PIK3CA: variants seen among roughly 807,000 people sequenced by gnomAD.
The protein encoded by PIK3CA is phosphatidylinositol 4,5-bisphosphate 3-kinase catalytic subunit alpha isoform.
In PIK3CA, 27 loss-of-function variants were observed where a neutral mutation model predicts 138.2. That is an observed-to-expected ratio of 0.20 (90% CI 0.14 to 0.27). The LOEUF (loss-of-function observed/expected upper bound fraction) is 0.27. Among genes scored for constraint, PIK3CA ranks in the 10% least tolerant of loss-of-function variants. The pLI is 1.00. For missense variants in PIK3CA, 544 were observed against 1,277.4 expected, an observed-to-expected ratio of 0.43 and a Z score of 8.75; for synonymous variants, 358 against 413.2, an observed-to-expected ratio of 0.87 and a Z score of 1.62.
chr3:179,214,722 G>A (rs1724797971), intron 9 of PIK3CA, among the ~76,000 whole-genome samples: 1 of 151,930 alleles, frequency 6.6e-6, no homozygotes, highest in African/African-American at 2.4e-5. Flanking sequence ...TATCTGTGAG[G>A]TATGATAAAG....
rs1364046504 is a variant in PIK3CA, at chr3:179,198,391, T to C, written c.-76-359T>C. On this transcript the variant is annotated intron_variant, in intron 1 of 20. Coordinates refer to ENST00000263967, the MANE Select transcript of PIK3CA (RefSeq NM_006218.4). Reference sequence around the variant, plus strand: ...TGTTTTTCCGTAAGATAGAAGAGAATGATAAAGGTGATATGCAATGGGAAT... The same window carrying C: ...TGTTTTTCCGTAAGATAGAAGAGAACGATAAAGGTGATATGCAATGGGAAT... 3.3e-5 allele frequency among the ~76,000 whole-genome samples: 5 copies of C among 152,330 alleles called. No homozygotes were observed. The East Asian group carries it at 9.6e-4, about 29-fold the overall frequency.
chr3:179,203,573 G>A lies in PIK3CA; in HGVS notation c.843G>A (p.Arg281=), dbSNP rs1183614122. 1 of 1,613,806 alleles carries A rather than the reference G, an allele frequency of 6.2e-7. No individual in the cohort carries two copies. Residue 281 remains arginine, a synonymous_variant, in exon 5 of 21, where the codon AGG becomes AGA. Coordinates refer to ENST00000263967, the MANE Select transcript of PIK3CA (RefSeq NM_006218.4). ...TAAGAAGCTGTATAATGCTTGGGAG[G>A]ATGCCCAATTTGATGTTGATGGCTA... ...KYIRSCIMLG[R]MPNLMLMAKE... is the part of the protein sequence containing the mutation.
chr3:179,232,509 C>T (rs1607237), intron 20 of PIK3CA, among the ~76,000 whole-genome samples: 101,613 of 152,014 alleles, frequency 0.67, 36,154 homozygotes, highest in African/African-American at 0.91. Flanking sequence ...ATTATAGTTT[C>T]CTGGTATAAT....
intron 1 of PIK3CA, among the ~76,000 whole-genome samples, chr3:179,166,142 A>G (rs998391616): frequency 6.6e-6 from 1 of 152,226 alleles, no homozygotes; most frequent in East Asian, 1.9e-4. Context: ...TAACAATCCA[A>G]TAAAGAAGGC....
At chr3:179,178,380 G>A (rs542590519) in intron 1 of PIK3CA, among the ~76,000 whole-genome samples, 33 of 151,308 alleles carry the variant, frequency 2.2e-4, no homozygotes, top group African/African-American at 7.8e-4. Flanking sequence ...TGGCCAATAA[G>A]CACATGAAAA....
chr3:179,150,877 T>TA (rs1200748542), intron 1 of PIK3CA, among the ~76,000 whole-genome samples: 1 of 152,244 alleles, frequency 6.6e-6, no homozygotes, highest in Non-Finnish European at 1.5e-5. Context: ...TTTAAACAGT[T>TA]ACGATTACCA....
At position 179,239,882 on chromosome 3, in the gene PIK3CA, A is replaced by T. The variant is rs867869263; in HGVS notation, c.*5518A>T. 9.5e-6 allele frequency: 6 copies of T among 632,990 alleles called. No homozygotes were observed. Among genetic ancestry groups the T allele is most frequent in the Middle Eastern group, 4.4e-4 (1 of 2,260 alleles). The allele number at this position is 632,990 out of a possible 1,614,324, so 39.2% of individuals were successfully genotyped here. A position where few individuals can be genotyped will look rare whatever the true frequency, so the allele number is the denominator to read the frequency against. The stretch of plus-strand genomic sequence containing the variant: ...TGATGGCCCAGAAAGCATTTGACAC[A>T]GCAAGATGCATGTGTTACTATATTG... On this transcript the variant is annotated 3_prime_UTR_variant, in exon 21 of 21. Transcript: ENST00000263967.
chr3:179,190,198 C>T (rs1445333104), intron 1 of PIK3CA, among the ~76,000 whole-genome samples: 1 of 152,108 alleles, frequency 6.6e-6, no homozygotes, highest in African/African-American at 2.4e-5. Context: ...TTTGTTCAGG[C>T]CCTTGTTACA....
At chr3:179,188,529 T>G (rs1440046619) in intron 1 of PIK3CA, among the ~76,000 whole-genome samples, 1 of 152,198 alleles carries the variant, frequency 6.6e-6, no homozygotes, top group East Asian at 1.9e-4. Context: ...ACCAATACAG[T>G]CTTCTTGATG....
intron 1 of PIK3CA, among the ~76,000 whole-genome samples, chr3:179,176,678 T>G (rs1392716634): frequency 6.6e-6 from 1 of 152,212 alleles, no homozygotes; most frequent in Non-Finnish European, 1.5e-5. Context: ...TATATAGTAC[T>G]CCATAAAATG....
rs111921680 is a variant in PIK3CA at position 179,185,271 on chromosome 3, G to C, written c.-76-13479G>C. On this transcript the variant is annotated intron_variant, in intron 1 of 20. Transcript: ENST00000263967. ...GACTTACAGAAACATCTTGCCTTCAGCTTCTTACAGATCTTTAAAAGAATC... is the reference window on the plus strand; with the variant it reads ...GACTTACAGAAACATCTTGCCTTCACCTTCTTACAGATCTTTAAAAGAATC... Among the ~76,000 whole-genome samples, 645 of 152,310 alleles carry C rather than the reference G, an allele frequency of 4.2e-3. 3 individuals carry two copies. Among genetic ancestry groups the C allele is most frequent in the Non-Finnish European group, 7.0e-3 (474 of 68,024 alleles).
At chr3:179,207,873 G>GT (rs748701584) in intron 6 of PIK3CA, among the ~76,000 whole-genome samples, 5 of 151,838 alleles carry the variant, frequency 3.3e-5, no homozygotes, top group Non-Finnish European at 5.9e-5. Context: ...TTCTCTATAT[G>GT]TTTCTACAAT....
At chr3:179,195,948 A>T (rs1366791377) in intron 1 of PIK3CA, among the ~76,000 whole-genome samples, 2 of 152,230 alleles carry the variant, frequency 1.3e-5, no homozygotes, top group African/African-American at 2.4e-5. Flanking sequence ...AAAAGCTGTC[A>T]TTCTGTCTAC....
chr3:179,155,640 G>T (rs1723116282), intron 1 of PIK3CA, among the ~76,000 whole-genome samples: 1 of 152,104 alleles, frequency 6.6e-6, no homozygotes. Flanking sequence ...AAATATACAG[G>T]AGTAGGTTAT....
intron 9 of PIK3CA, among the ~76,000 whole-genome samples, chr3:179,213,837 G>C (rs540316861): frequency 6.6e-6 from 1 of 152,202 alleles, no homozygotes; most frequent in Non-Finnish European, 1.5e-5. Context: ...AAAATCTGTT[G>C]CTTAGTGTAG....
intron 6 of PIK3CA, among the ~76,000 whole-genome samples, chr3:179,207,502 AT>A (rs1560140936): frequency 1.3e-5 from 2 of 152,222 alleles, no homozygotes; most frequent in East Asian, 3.9e-4. Context: ...TTTAGGAATA[AT>A]AAAAAGTCTG....
chr3:179,227,150 G>T (rs992531186), intron 17 of PIK3CA, among the ~76,000 whole-genome samples: 2 of 151,954 alleles, frequency 1.3e-5, no homozygotes, highest in African/African-American at 4.8e-5. Context: ...TTTTAGTCTT[G>T]TATTTTCTGA....
chr3:179,162,182 T>C (rs993632218), intron 1 of PIK3CA, among the ~76,000 whole-genome samples: 1 of 152,174 alleles, frequency 6.6e-6, no homozygotes, highest in African/African-American at 2.4e-5. Context: ...AATACATGTA[T>C]TTAAAAGTGT....
chr3:179,196,864 A>G (rs890804531), intron 1 of PIK3CA, among the ~76,000 whole-genome samples: 1 of 152,180 alleles, frequency 6.6e-6, no homozygotes, highest in Admixed American at 6.5e-5. Context: ...AGAAATATTG[A>G]TGGCCGGCCC....
Sources: allele counts gnomAD v4.1 joint callset (sites outside exome capture counted in the v4.1 genomes callset), GRCh38; gene constraint gnomAD v4.1.1; transcripts MANE v1.5; gene names NCBI Gene and HGNC (gene_info 2026-07-23, HGNC 2026-07-21).